Variants in PACS1 observed in about 807,000 individuals in gnomAD.
PACS1 encodes the protein PACS-1.
PACS1 carries 24 observed loss-of-function variants against 115.0 expected under a neutral mutation model. That is an observed-to-expected ratio of 0.21 (90% confidence interval 0.15 to 0.29). The LOEUF (loss-of-function observed/expected upper bound fraction) is 0.29, where lower values mean the gene tolerates loss of function less well. Among genes scored for constraint, PACS1 ranks in the 10% least tolerant of loss-of-function variants. The pLI, the probability that PACS1 is intolerant of heterozygous loss-of-function variation, is 1.00. For missense variants in PACS1, 838 were observed against 1,251.2 expected (o/e 0.67, Z 4.98); for synonymous variants, 453 against 504.5 (o/e 0.90, Z 1.37).
chr11:66,222,004 T>C (rs1340041466), intron 10 of PACS1, among the ~76,000 whole-genome samples: 1 of 152,092 alleles, frequency 6.6e-6, no homozygotes. Context: ...TAGACCCAGC[T>C]ACTTGGGAGG....
intron 10 of PACS1, among the ~76,000 whole-genome samples, chr11:66,223,439 G>A (rs1855402686): frequency 6.6e-6 from 1 of 151,886 alleles, no homozygotes; most frequent in Non-Finnish European, 1.5e-5. Flanking sequence ...TCCCCAGGCT[G>A]GAGTGCAGTG....
chr11:66,163,397 T>A (rs1859534193), intron 1 of PACS1, among the ~76,000 whole-genome samples: 1 of 151,586 alleles, frequency 6.6e-6, no homozygotes, highest in South Asian at 2.1e-4. Context: ...GACCTGATGC[T>A]GTCCTATCCC....
intron 1 of PACS1, among the ~76,000 whole-genome samples, chr11:66,093,582 C>T (rs1857713356): frequency 6.9e-6 from 1 of 145,644 alleles, no homozygotes; most frequent in African/African-American, 2.6e-5. Context: ...CTTAGACTCC[C>T]ACACAATAAT....
chr11:66,080,484 G>A (rs1014455045), intron 1 of PACS1, among the ~76,000 whole-genome samples: 1 of 152,184 alleles, frequency 6.6e-6, no homozygotes, highest in African/African-American at 2.4e-5. Context: ...GCTGATGCTC[G>A]CTGCAGTGAA....
chr11:66,233,187 G>A lies in PACS1; in HGVS notation c.1838+121G>A, dbSNP rs2134739698. On this transcript the variant is annotated intron_variant, in intron 15 of 23. Transcript: ENST00000320580. The surrounding 1 kb of genome is among the most constrained non-coding windows in gnomAD (Gnocchi z 4.5). ...TCATCAGACCAAGAATTTGCAGAGG[G>A]GCGTATGTTTAGGGGGGTGGCGGCA... The A allele has an allele frequency of 1.4e-6, 1 of 721,150 alleles. No individual in the cohort carries two copies. Among genetic ancestry groups the A allele is most frequent in the Non-Finnish European group, 2.3e-6 (1 of 429,990 alleles). The allele number at this position is 721,150 out of a possible 1,614,324, so 44.7% of individuals were successfully genotyped here. A position where few individuals can be genotyped will look rare whatever the true frequency, so the allele number is the denominator to read the frequency against.
At chr11:66,116,329 A>G (rs572380218) in intron 1 of PACS1, among the ~76,000 whole-genome samples, 2 of 152,326 alleles carry the variant, frequency 1.3e-5, no homozygotes, top group East Asian at 3.9e-4. Flanking sequence ...TATTAGGTCT[A>G]CTGTGGTTGA....
intron 4 of PACS1, among the ~76,000 whole-genome samples, chr11:66,211,670 C>T (rs970019543): frequency 6.6e-6 from 1 of 152,146 alleles, no homozygotes; most frequent in African/African-American, 2.4e-5. Context: ...CCCCATTACA[C>T]GTTAATACTG....
intron 1 of PACS1, among the ~76,000 whole-genome samples, chr11:66,176,162 G>A (rs1170654241): frequency 6.6e-6 from 1 of 152,096 alleles, no homozygotes; most frequent in Non-Finnish European, 1.5e-5. Flanking sequence ...GCAGAGTTTT[G>A]TAGTACAAAT....
intron 1 of PACS1, among the ~76,000 whole-genome samples, chr11:66,191,212 C>G (rs890629385): frequency 1.3e-5 from 2 of 152,180 alleles, no homozygotes; most frequent in Non-Finnish European, 2.9e-5. Context: ...AGGCCATCAG[C>G]CATATCTCCA....
chr11:66,145,574 G>T (rs1859102574), intron 1 of PACS1, among the ~76,000 whole-genome samples: 1 of 152,162 alleles, frequency 6.6e-6, no homozygotes, highest in Admixed American at 6.5e-5. Context: ...CACATTTCTG[G>T]CTGACTTAGA....
At chr11:66,090,214 G>A (rs1857636065) in intron 1 of PACS1, among the ~76,000 whole-genome samples, 1 of 149,898 alleles carries the variant, frequency 6.7e-6, no homozygotes, top group East Asian at 1.9e-4. Flanking sequence ...GCTTGGCTTG[G>A]CTTGGCTTTT....
intron 1 of PACS1, among the ~76,000 whole-genome samples, chr11:66,098,847 A>G (rs1373006470): frequency 6.6e-6 from 1 of 152,170 alleles, no homozygotes; most frequent in Non-Finnish European, 1.5e-5. Context: ...AATTCAGGTC[A>G]TGATTTCTTG....
intron 1 of PACS1, among the ~76,000 whole-genome samples, chr11:66,100,054 A>G (rs1467771565): frequency 6.6e-6 from 1 of 151,356 alleles, no homozygotes; most frequent in South Asian, 2.1e-4. Context: ...CTAATTTTGT[A>G]TTTTTAGTAG....
chr11:66,228,318 A>T (rs1328297918), intron 11 of PACS1, among the ~76,000 whole-genome samples: 3 of 152,036 alleles, frequency 2.0e-5, no homozygotes, highest in Non-Finnish European at 4.4e-5. Flanking sequence ...TCACGGTGGG[A>T]CCTGCTGGGA....
At chr11:66,202,631 G>A (rs1854827460) in intron 2 of PACS1, among the ~76,000 whole-genome samples, 1 of 149,768 alleles carries the variant, frequency 6.7e-6, no homozygotes, top group South Asian at 2.1e-4. Context: ...GCTCCCACCT[G>A]TAATCCCAGC....
chr11:66,087,247 G>GTT (rs111457649), intron 1 of PACS1, among the ~76,000 whole-genome samples: 3 of 145,226 alleles, frequency 2.1e-5, no homozygotes, highest in African/African-American at 5.1e-5. Context: ...TTTTTTTTTT[G>GTT]TTTTTTTTTT....
At chr11:66,223,569 C>T (rs1855405875) in intron 10 of PACS1, among the ~76,000 whole-genome samples, 2 of 152,078 alleles carry the variant, frequency 1.3e-5, no homozygotes, top group Admixed American at 1.3e-4. Flanking sequence ...ATGGGCAAAC[C>T]CTACTGGGCA....
In PACS1 at chr11:66,235,386, G is replaced by A. The variant is rs1337263501; in HGVS notation, c.2190G>A (p.Leu730=). 2 of 1,613,432 alleles carry A rather than the reference G, an allele frequency of 1.2e-6. No individual in the cohort carries two copies. The highest frequency in any genetic ancestry group is 1.7e-6 in the Non-Finnish European group (2 of 1,179,510). Residue 730 remains leucine (L), a synonymous_variant, in exon 18 of 24, where the codon CTG becomes CTA. Coordinates refer to ENST00000320580, the MANE Select transcript of PACS1 (RefSeq NM_018026.4). The surrounding 1 kb of genome is among the most constrained non-coding windows in gnomAD (Gnocchi z 5.6). ...AGCTTCCCGTGGCCGAAGCCATGCTGACTTGCCGGCATAAGTTGTAAGTTT... is the reference window on the plus strand; with the variant it reads ...AGCTTCCCGTGGCCGAAGCCATGCTAACTTGCCGGCATAAGTTGTAAGTTT... ...THQLPVAEAM[L]TCRHKFPDED...
intron 2 of PACS1, among the ~76,000 whole-genome samples, chr11:66,207,944 T>A (rs1854981011): frequency 6.6e-6 from 1 of 152,120 alleles, no homozygotes; most frequent in Non-Finnish European, 1.5e-5. Flanking sequence ...AATTTTTGTA[T>A]TTTTCGTAGA....
Sources: allele counts gnomAD v4.1 joint callset (sites outside exome capture counted in the v4.1 genomes callset), GRCh38; gene constraint gnomAD v4.1.1; non-coding constraint Gnocchi (gnomAD v3.1); transcripts MANE v1.5; gene names NCBI Gene and HGNC (gene_info 2026-07-23, HGNC 2026-07-21).